Variants in SCAPER observed in about 807,000 individuals in gnomAD.
SCAPER encodes the protein S-phase cyclin A associated protein in the ER.
A neutral mutation model predicts 182.2 loss-of-function variants in SCAPER; 98 were observed. That is an observed-to-expected ratio of 0.54 (90% CI 0.46 to 0.64). The LOEUF is 0.64. SCAPER is among the 30% of genes least tolerant of loss of function. SCAPER has a pLI of 0.00. For synonymous variants in SCAPER, 605 were observed against 564.6 expected, an observed-to-expected ratio of 1.07 and a Z score of -1.01; for missense variants, 1,432 against 1,690.0, an observed-to-expected ratio of 0.85 and a Z score of 2.68.
chr15:76,652,295 T>C (rs1406820597), intron 21 of SCAPER, among the ~76,000 whole-genome samples: 3 of 28,002 alleles, frequency 1.1e-4, no homozygotes, highest in African/African-American at 3.4e-4. Context: ...TATATATATA[T>C]ATATATATAT....
intron 15 of SCAPER, among the ~76,000 whole-genome samples, chr15:76,741,292 C>A (rs1325620751): frequency 6.6e-6 from 1 of 152,020 alleles, no homozygotes; most frequent in African/African-American, 2.4e-5. Context: ...GATTGAGTTT[C>A]CTTTGCTATG....
At chr15:76,381,691 A>G in intron 27 of SCAPER, 76 bp from the exon 28 acceptor site, 3 of 1,170,546 alleles carry the variant, frequency 2.6e-6, no homozygotes, top group Non-Finnish European at 3.6e-6. Flanking sequence ...TAAATGAAAC[A>G]AGACAAGCAG....
intron 26 of SCAPER, among the ~76,000 whole-genome samples, chr15:76,414,140 C>T (rs1474924549): frequency 1.3e-5 from 2 of 151,946 alleles, no homozygotes; most frequent in Admixed American, 6.6e-5. Context: ...ATATCCTTGT[C>T]AGATTTTGGT....
At chr15:76,646,727 C>A (rs989682613) in intron 21 of SCAPER, among the ~76,000 whole-genome samples, 1 of 152,218 alleles carries the variant, frequency 6.6e-6, no homozygotes, top group Non-Finnish European at 1.5e-5. Flanking sequence ...TTTCAAGCAA[C>A]CACATGTACT....
chr15:76,682,922 A>G (rs1567789132), intron 20 of SCAPER, among the ~76,000 whole-genome samples: 1 of 152,204 alleles, frequency 6.6e-6, no homozygotes, highest in Non-Finnish European at 1.5e-5. Flanking sequence ...AAGCACAGCA[A>G]CTTCAAAAAC....
At chr15:76,815,872 G>A (rs896592127) in intron 5 of SCAPER, among the ~76,000 whole-genome samples, 2 of 152,196 alleles carry the variant, frequency 1.3e-5, no homozygotes. Flanking sequence ...GTGCCAAAAA[G>A]GTTGAGGACT....
chr15:76,733,119 A>G (rs1485351130), intron 16 of SCAPER, 110 bp downstream of exon 16: 3 of 960,114 alleles, frequency 3.1e-6, no homozygotes, highest in Non-Finnish European at 4.6e-6. Context: ...CTTTATTTCT[A>G]CAATCTCCCA....
chr15:76,886,977 A>G lies in SCAPER; in HGVS notation c.-59-3101T>C, dbSNP rs1055194729. On this transcript the variant is annotated intron_variant, in intron 1 of 31. Coordinates refer to ENST00000563290, the MANE Select transcript of SCAPER (RefSeq NM_020843.4). ...AGAACACATGGACACATAGAGGGGAACAACACACACTGGGGCCTTTTGGAG... is the reference window on the plus strand; with the variant it reads ...AGAACACATGGACACATAGAGGGGAGCAACACACACTGGGGCCTTTTGGAG... Among the ~76,000 whole-genome samples, 4 of 152,274 alleles carry G rather than the reference A, an allele frequency of 2.6e-5. No homozygotes were observed. The East Asian group carries it at 5.8e-4, about 22-fold the overall frequency.
chr15:76,537,859 A>G (rs546284620), intron 23 of SCAPER, among the ~76,000 whole-genome samples: 1 of 152,210 alleles, frequency 6.6e-6, no homozygotes, highest in Admixed American at 6.5e-5. Context: ...AATCAACTCA[A>G]ACAAATTTAC....
At chr15:76,782,527 C>A (rs113549229) in intron 8 of SCAPER, among the ~76,000 whole-genome samples, 147,859 of 152,272 alleles carry the variant, frequency 0.97, 71,919 homozygotes, top group South Asian at 1. Context: ...TGCACCAAGC[C>A]GACCTAATAG....
intron 23 of SCAPER, among the ~76,000 whole-genome samples, chr15:76,539,474 C>T (rs1304770829): frequency 1.3e-5 from 2 of 151,964 alleles, no homozygotes; most frequent in South Asian, 4.2e-4. Flanking sequence ...TTGGGCTTAA[C>T]CAACCAACTC....
intron 24 of SCAPER, among the ~76,000 whole-genome samples, chr15:76,474,405 G>A (rs913310386): frequency 1.3e-5 from 2 of 152,124 alleles, no homozygotes; most frequent in African/African-American, 4.8e-5. Context: ...TGATATAGCT[G>A]TATACTGCTT....
chr15:76,835,133 A>G lies in SCAPER; in HGVS notation c.393+6601T>C, dbSNP rs530215982. 2.6e-5 allele frequency among the ~76,000 whole-genome samples: 4 copies of G among 152,146 alleles called. No homozygotes were observed. In the South Asian group the frequency reaches 6.2e-4, roughly 24 times the overall value. On this transcript the variant is annotated intron_variant, in intron 5 of 31. Coordinates refer to ENST00000563290, the MANE Select transcript of SCAPER (RefSeq NM_020843.4). ...AAACCAGTAGCATTTCTATACACCA[A>G]TAACATCCAACCTGAGAACCAAATC...
At chr15:76,635,071 A>G (rs1050151126) in intron 21 of SCAPER, among the ~76,000 whole-genome samples, 2 of 152,228 alleles carry the variant, frequency 1.3e-5, no homozygotes, top group African/African-American at 2.4e-5. Flanking sequence ...TTCTAATATT[A>G]AACACTGAAA....
chr15:76,724,269 C>T (rs1314364616), intron 17 of SCAPER, among the ~76,000 whole-genome samples: 1 of 152,052 alleles, frequency 6.6e-6, no homozygotes, highest in Non-Finnish European at 1.5e-5. Context: ...TCTCTTCTGG[C>T]TTATAGAGTT....
intron 5 of SCAPER, among the ~76,000 whole-genome samples, chr15:76,815,225 A>T (rs2066969857): frequency 6.6e-6 from 1 of 152,160 alleles, no homozygotes; most frequent in African/African-American, 2.4e-5. Context: ...TTAAAAATAC[A>T]ACTACCATAT....
At chr15:76,429,900 C>T (rs2046748683) in intron 26 of SCAPER, among the ~76,000 whole-genome samples, 1 of 152,102 alleles carries the variant, frequency 6.6e-6, no homozygotes, top group African/African-American at 2.4e-5. Flanking sequence ...TCATGGCAGC[C>T]CCTCCCATCA....
intron 25 of SCAPER, among the ~76,000 whole-genome samples, chr15:76,441,328 C>G (rs1270419278): frequency 6.6e-6 from 1 of 152,102 alleles, no homozygotes; most frequent in African/African-American, 2.4e-5. Context: ...TGCCTTTGAG[C>G]CTATATTTAT....
chr15:76,540,686 T>C (rs2044662684), intron 23 of SCAPER, among the ~76,000 whole-genome samples: 1 of 152,036 alleles, frequency 6.6e-6, no homozygotes, highest in Admixed American at 6.6e-5. Flanking sequence ...ATTTCTGTAT[T>C]GTCTAGTTTT....
Sources: allele counts gnomAD v4.1 joint callset (sites outside exome capture counted in the v4.1 genomes callset), GRCh38; gene constraint gnomAD v4.1.1; transcripts MANE v1.5; gene names NCBI Gene and HGNC (gene_info 2026-07-23, HGNC 2026-07-21).